RYR2: variants seen among roughly 807,000 people sequenced by gnomAD.
The protein encoded by RYR2 is cardiac muscle ryanodine receptor-calcium release channel.
In RYR2, 227 loss-of-function variants were observed where a neutral mutation model predicts 601.1. That is an observed-to-expected ratio of 0.38 (90% CI 0.34 to 0.42). The LOEUF is 0.42. Ranked by LOEUF, RYR2 falls within the 10% of genes least tolerant of loss-of-function variation. The pLI, the probability that RYR2 is intolerant of heterozygous loss-of-function variation, is 1.00. For synonymous variants in RYR2, 2,223 were observed against 2,175.1 expected, an observed-to-expected ratio of 1.02 and a Z score of -0.61; for missense variants, 4,646 against 6,156.5, an observed-to-expected ratio of 0.75 and a Z score of 8.21.
chr1:237,677,381 A>G (rs1685492656), intron 60 of RYR2, among the ~76,000 whole-genome samples: 1 of 152,204 alleles, frequency 6.6e-6, no homozygotes, highest in Admixed American at 6.5e-5. Flanking sequence ...AAGCTAAATG[A>G]ATTAGGTTAA....
At chr1:237,755,023 T>A (rs1692830000) in intron 80 of RYR2, 1 of 1,224,826 alleles carries the variant, frequency 8.2e-7, no homozygotes, top group Non-Finnish European at 1.1e-6. Context: ...CTAACTATAG[T>A]GTGACAAAAA....
chr1:237,124,284 A>T (rs1671158722), intron 1 of RYR2, among the ~76,000 whole-genome samples: 1 of 152,186 alleles, frequency 6.6e-6, no homozygotes, highest in South Asian at 2.1e-4. Context: ...CTATTCTAAC[A>T]TCTCACCGAG....
intron 1 of RYR2, among the ~76,000 whole-genome samples, chr1:237,105,051 G>T (rs1668514035): frequency 6.6e-6 from 1 of 152,190 alleles, no homozygotes; most frequent in Non-Finnish European, 1.5e-5. Flanking sequence ...CGAATAAGGG[G>T]TGCTGCTCAC....
At chr1:237,564,578 G>A (rs544261006) in intron 27 of RYR2, among the ~76,000 whole-genome samples, 131 of 152,184 alleles carry the variant, frequency 8.6e-4, no homozygotes, top group African/African-American at 3.0e-3. Flanking sequence ...CCAAGAACTA[G>A]TTTCTTAATA....
rs566064237 is a variant in RYR2 at position 237,780,725 on chromosome 1, T to C, written c.11881-840T>C. On this transcript the variant is annotated intron_variant, in intron 88 of 104. Coordinates refer to ENST00000366574, the MANE Select transcript of RYR2 (RefSeq NM_001035.3). Reference sequence around the variant, plus strand: ...AGCTTAATCAAATTGGTAAATAAGATACATTGTGTAATATTTATTAGTACA... The same window carrying C: ...AGCTTAATCAAATTGGTAAATAAGACACATTGTGTAATATTTATTAGTACA... Among the ~76,000 whole-genome samples the C allele has an allele frequency of 9.2e-5, 14 of 152,326 alleles. 1 individual carries two copies. The South Asian group carries it at 2.1e-3, about 23-fold the overall frequency.
intron 79 of RYR2, among the ~76,000 whole-genome samples, chr1:237,734,454 G>C (rs1449232189): frequency 6.6e-6 from 1 of 152,116 alleles, no homozygotes; most frequent in African/African-American, 2.4e-5. Context: ...ATTACAATTC[G>C]ATATAAGATT....
chr1:237,626,094 T>C (rs1679617494), intron 40 of RYR2, among the ~76,000 whole-genome samples: 1 of 152,204 alleles, frequency 6.6e-6, no homozygotes, highest in Non-Finnish European at 1.5e-5. Flanking sequence ...AAAGGAAGTA[T>C]AGTAATTTAG....
chr1:237,569,066 T>C, intron 28 of RYR2, 79 bp from the exon 29 acceptor site: 1 of 1,297,420 alleles, frequency 7.7e-7, no homozygotes, highest in South Asian at 1.5e-5. Flanking sequence ...GGACTGCTGT[T>C]AGGTCGTGAC....
chr1:237,257,307 A>G (rs1425965134), intron 1 of RYR2, among the ~76,000 whole-genome samples: 1 of 152,182 alleles, frequency 6.6e-6, no homozygotes, highest in African/African-American at 2.4e-5. Flanking sequence ...TAATAGTAAT[A>G]GTAATTAACT....
At chr1:237,512,836 A>G (rs1035569975) in intron 24 of RYR2, among the ~76,000 whole-genome samples, 5 of 152,146 alleles carry the variant, frequency 3.3e-5, no homozygotes, top group Non-Finnish European at 7.4e-5. Flanking sequence ...ACGCCACTGC[A>G]CTCCAGCCTG....
chr1:237,388,702 A>G (rs1003060326), intron 10 of RYR2, among the ~76,000 whole-genome samples: 1 of 152,206 alleles, frequency 6.6e-6, no homozygotes, highest in Non-Finnish European at 1.5e-5. Context: ...ACAAGATTAC[A>G]ATAGTATGAA....
intron 2 of RYR2, among the ~76,000 whole-genome samples, chr1:237,328,561 A>T (rs1218998952): frequency 1.3e-5 from 2 of 152,042 alleles, no homozygotes; most frequent in Non-Finnish European, 2.9e-5. Context: ...ACAGGAGCCC[A>T]TGATAGGAGG....
At chr1:237,147,041 A>C (rs1025767897) in intron 1 of RYR2, among the ~76,000 whole-genome samples, 1 of 152,146 alleles carries the variant, frequency 6.6e-6, no homozygotes, top group Non-Finnish European at 1.5e-5. Context: ...GCCTGGAAAA[A>C]ACTATGAGCA....
At position 237,670,889 on chromosome 1, in the gene RYR2, T is replaced by C. The variant is rs1684866703; in HGVS notation, c.8590+2931T>C. Among the ~76,000 whole-genome samples the C allele has an allele frequency of 1.3e-5, 2 of 152,244 alleles. 1 individual carries two copies. The highest frequency in any genetic ancestry group is 4.1e-4 in the South Asian group (2 of 4,838). On this transcript the variant is annotated intron_variant, in intron 58 of 104. Coordinates refer to ENST00000366574, the MANE Select transcript of RYR2 (RefSeq NM_001035.3). ...AAAAAGTTTCTGATTTTGGAACATT[T>C]GGATTTCAGATTTTTAGATTAGACC...
rs1052600447 is a variant in RYR2 at position 237,725,195 on chromosome 1, T to C, written c.10690-1078T>C. On this transcript the variant is annotated intron_variant, in intron 74 of 104. Transcript: ENST00000366574. The stretch of plus-strand genomic sequence containing the variant: ...CCCTGTATAAGTCTTAAGGTAGGAA[T>C]TATCTAGAAAAAGTGGGAGGATCAG... Among the ~76,000 whole-genome samples, 4 of 152,092 alleles carry C rather than the reference T, an allele frequency of 2.6e-5. 1 individual carries two copies. The highest frequency in any genetic ancestry group is 2.6e-4 in the Admixed American group (4 of 15,260).
chr1:237,118,990 T>C (rs1015120703), intron 1 of RYR2, among the ~76,000 whole-genome samples: 7 of 152,162 alleles, frequency 4.6e-5, no homozygotes, highest in Non-Finnish European at 1.0e-4. Flanking sequence ...TGAAGAAGTC[T>C]ATTTCTAATG....
At chr1:237,609,462 C>A (rs1030805968) in intron 35 of RYR2, among the ~76,000 whole-genome samples, 13 of 151,822 alleles carry the variant, frequency 8.6e-5, no homozygotes, top group African/African-American at 2.7e-4. Context: ...CTCCGCCTCC[C>A]AGGTTCAAGC....
chr1:237,052,327 G>C (rs978482812), intron 1 of RYR2, among the ~76,000 whole-genome samples: 1 of 152,098 alleles, frequency 6.6e-6, no homozygotes, highest in African/African-American at 2.4e-5. Flanking sequence ...TGATGGATGT[G>C]GTCATGATAT....
chr1:237,119,335 C>T (rs1274903197), intron 1 of RYR2, among the ~76,000 whole-genome samples: 1 of 152,152 alleles, frequency 6.6e-6, no homozygotes, highest in African/African-American at 2.4e-5. Flanking sequence ...ACAAGACGTT[C>T]CTATTAAGTC....
Sources: allele counts gnomAD v4.1 joint callset (sites outside exome capture counted in the v4.1 genomes callset), GRCh38; gene constraint gnomAD v4.1.1; transcripts MANE v1.5; gene names NCBI Gene and HGNC (gene_info 2026-07-23, HGNC 2026-07-21).